The following SOX5 variants were observed in gnomAD, a reference collection of about 807,000 sequenced individuals.
SOX5 encodes the protein transcription factor SOX-5.
In SOX5, 9 loss-of-function variants were observed where a neutral mutation model predicts 92.0. That is an observed-to-expected ratio of 0.10 (90% CI 0.06 to 0.17). The LOEUF is 0.17. Among genes scored for constraint, SOX5 ranks in the 10% least tolerant of loss-of-function variants. The pLI is 1.00. For missense variants in SOX5, 642 were observed against 944.5 expected, an observed-to-expected ratio of 0.68 and a Z score of 4.20; for synonymous variants, 344 against 336.3, an observed-to-expected ratio of 1.02 and a Z score of -0.25.
intron 1 of SOX5, among the ~76,000 whole-genome samples, chr12:24,382,374 G>A (rs1318318859): frequency 3.3e-5 from 5 of 152,072 alleles, no homozygotes; most frequent in African/African-American, 7.2e-5. Context: ...AGGAGAAAGA[G>A]CAACGGGCAG....
rs540656035 is a variant in SOX5 at position 23,792,119 on chromosome 12, A to T, written c.482-36395T>A. ...ATATAGAAAGTTATTTGCAGGTGTCAAACGTGTACACAACTATATAGAAAA... is the reference window on the plus strand; with the variant it reads ...ATATAGAAAGTTATTTGCAGGTGTCTAACGTGTACACAACTATATAGAAAA... On this transcript the variant is annotated intron_variant, in intron 3 of 14. Coordinates refer to ENST00000451604, the MANE Select transcript of SOX5 (RefSeq NM_006940.6). Among the ~76,000 whole-genome samples, 8 of 152,070 alleles carry T rather than the reference A, an allele frequency of 5.3e-5. No homozygotes were observed. The South Asian group carries it at 1.7e-3, about 31-fold the overall frequency.
chr12:23,901,627 C>T (rs1447945960), intron 1 of SOX5, among the ~76,000 whole-genome samples: 1 of 152,118 alleles, frequency 6.6e-6, no homozygotes, highest in Non-Finnish European at 1.5e-5. Flanking sequence ...AGTCCTTACG[C>T]CATTTTGTTC....
chr12:23,677,624 C>T (rs1488569717), intron 6 of SOX5, among the ~76,000 whole-genome samples: 1 of 152,110 alleles, frequency 6.6e-6, no homozygotes, highest in Non-Finnish European at 1.5e-5. Flanking sequence ...TAGCTGCATC[C>T]TTAAACTCTG....
chr12:24,337,236 C>G (rs1952014094), intron 2 of SOX5, among the ~76,000 whole-genome samples: 1 of 152,032 alleles, frequency 6.6e-6, no homozygotes, highest in Non-Finnish European at 1.5e-5. Flanking sequence ...CAATATTCAT[C>G]TTACTTTCTA....
chr12:24,364,247 A>C (rs1024859774), intron 2 of SOX5, among the ~76,000 whole-genome samples: 10 of 152,090 alleles, frequency 6.6e-5, no homozygotes, highest in Non-Finnish European at 1.2e-4. Context: ...GCTCCTTAAA[A>C]GCCCTTAAAA....
chr12:24,103,385 C>T (rs1367731894), intron 4 of SOX5, among the ~76,000 whole-genome samples: 1 of 150,840 alleles, frequency 6.6e-6, no homozygotes, highest in Admixed American at 6.6e-5. Flanking sequence ...AGCAGAGTCT[C>T]ATTATGTTGC....
At chr12:23,849,489 A>G (rs2136124878) in intron 2 of SOX5, among the ~76,000 whole-genome samples, 1 of 152,314 alleles carries the variant, frequency 6.6e-6, no homozygotes, top group Non-Finnish European at 1.5e-5. Context: ...TCACATAACT[A>G]CCAAAAAGTA....
intron 2 of SOX5, among the ~76,000 whole-genome samples, chr12:24,286,213 T>C (rs1945844974): frequency 6.6e-6 from 1 of 152,202 alleles, no homozygotes; most frequent in Non-Finnish European, 1.5e-5. Context: ...ATACAGTTAA[T>C]AATTGTAGTG....
chr12:23,919,186 C>A (rs988596346), intron 1 of SOX5, among the ~76,000 whole-genome samples: 3 of 152,102 alleles, frequency 2.0e-5, no homozygotes, highest in Non-Finnish European at 4.4e-5. Context: ...GCATGTGCCC[C>A]AACTAGAATG....
At chr12:24,499,577 A>G (rs1947985774) in intron 1 of SOX5, among the ~76,000 whole-genome samples, 1 of 152,216 alleles carries the variant, frequency 6.6e-6, no homozygotes. Flanking sequence ...AGGGTCTTCA[A>G]CAACAGAAGG....
intron 2 of SOX5, among the ~76,000 whole-genome samples, chr12:23,858,826 T>C (rs576035449): frequency 1.1e-3 from 162 of 152,286 alleles, no homozygotes; most frequent in Non-Finnish European, 3.8e-4. Context: ...CAGAAGAACA[T>C]AAACTGTGAA....
At chr12:24,551,994 T>G (rs2095542865) in intron 1 of SOX5, among the ~76,000 whole-genome samples, 1 of 152,242 alleles carries the variant, frequency 6.6e-6, no homozygotes, top group African/African-American at 2.4e-5. Context: ...ACCTCTTGTC[T>G]TCTGTCTACT....
At chr12:23,727,280 C>CA in intron 6 of SOX5, among the ~76,000 whole-genome samples, 1 of 152,134 alleles carries the variant, frequency 6.6e-6, no homozygotes, top group Non-Finnish European at 1.5e-5. Context: ...TTAAAAAGTT[C>CA]AAAATATCAA....
At chr12:24,411,784 T>A (rs1169455332) in intron 1 of SOX5, among the ~76,000 whole-genome samples, 3 of 152,190 alleles carry the variant, frequency 2.0e-5, no homozygotes, top group Non-Finnish European at 4.4e-5. Flanking sequence ...TTTTTGTACT[T>A]CGTTTTAGTA....
intron 7 of SOX5, among the ~76,000 whole-genome samples, chr12:23,649,128 C>T (rs1310672922): frequency 1.3e-5 from 2 of 151,940 alleles, no homozygotes; most frequent in East Asian, 3.9e-4. Flanking sequence ...GTGAAAATTT[C>T]CAATGCAGCC....
At chr12:24,551,897 T>C (rs1268208392) in intron 1 of SOX5, among the ~76,000 whole-genome samples, 4 of 152,234 alleles carry the variant, frequency 2.6e-5, no homozygotes, top group Admixed American at 6.5e-5. Flanking sequence ...TGTGTGTTTT[T>C]ATTCATTGAT....
chr12:23,819,603 GGT>G (rs1403401311), intron 3 of SOX5, among the ~76,000 whole-genome samples: 1 of 151,880 alleles, frequency 6.6e-6, no homozygotes, highest in African/African-American at 2.4e-5. Flanking sequence ...GACAGGCCGT[GGT>G]GTGTGATGTT....
chr12:24,062,167 A>C (rs1569529127), intron 4 of SOX5, among the ~76,000 whole-genome samples: 1 of 152,230 alleles, frequency 6.6e-6, no homozygotes, highest in Admixed American at 6.5e-5. Context: ...AATAGTAACA[A>C]GAAAGGCACA....
intron 4 of SOX5, among the ~76,000 whole-genome samples, chr12:24,053,074 TAA>T (rs1342959737): frequency 6.6e-6 from 1 of 152,160 alleles, no homozygotes; most frequent in Non-Finnish European, 1.5e-5. Flanking sequence ...TATTTGCAAA[TAA>T]AAACTTTTTC....
Sources: allele counts gnomAD v4.1 joint callset (sites outside exome capture counted in the v4.1 genomes callset), GRCh38; gene constraint gnomAD v4.1.1; transcripts MANE v1.5; gene names NCBI Gene and HGNC (gene_info 2026-07-23, HGNC 2026-07-21).